SHD: variants seen among roughly 807,000 people sequenced by gnomAD.
SHD encodes SH2 domain-containing adapter protein D.
SHD carries 29 observed loss-of-function variants against 31.2 expected under a neutral mutation model. That is an observed-to-expected ratio of 0.93 (90% confidence interval 0.69 to 1.27). The LOEUF is 1.27. Ranked by LOEUF, SHD falls within the 50% of genes most tolerant of loss-of-function variation. The pLI, the probability that SHD is intolerant of heterozygous loss-of-function variation, is 0.00. For synonymous variants in SHD, 208 were observed against 187.8 expected (o/e 1.11, Z -0.88); for missense variants, 520 against 453.8 (o/e 1.15, Z -1.33).
chr19:4,283,859 G>T (rs184844715), intron 3 of SHD, among the ~76,000 whole-genome samples: 13,487 of 151,350 alleles, frequency 0.089, 1,403 homozygotes, highest in African/African-American at 0.24. Context: ...ATTACAGGCA[G>T]GAGCCACCGC....
At position 4,284,820 on chromosome 19, in the gene SHD, C is replaced by G. The variant is rs1289297084; in HGVS notation, c.632C>G (p.Ser211Ter). Residue 211 changes from serine (S) to a stop codon, truncating the protein, a stop_gained, in exon 4 of 6, where the codon TCA becomes TGA. Coordinates refer to ENST00000543264, the MANE Select transcript of SHD (RefSeq NM_020209.4). LOFTEE classifies it high-confidence loss of function. The part of the protein sequence containing the change: ...DSPEWERTPG[S>*]AKELRRPPPR... ...CCAGAGTGGGAGAGGACTCCAGGCT[C>G]AGCCAAGGAGCTCCGGAGACCTCCG... 2.2e-5 allele frequency: 35 copies of G among 1,613,018 alleles called. No individual in the cohort carries two copies. Among genetic ancestry groups the G allele is most frequent in the Non-Finnish European group, 3.0e-5 (35 of 1,179,514 alleles).
Position 4,280,113 on chromosome 19 carries a change from C to T in SHD, c.50C>T (p.Pro17Leu), listed in dbSNP as rs1321023348. The T allele has an allele frequency of 6.2e-7, 1 of 1,611,884 alleles. No individual in the cohort carries two copies. Among genetic ancestry groups the T allele is most frequent in the South Asian group, 1.1e-5 (1 of 90,892 alleles). ...CTGAGCTTTGGGGGTCGGAGGCCCC[C>T]TCCGCAGCCGCCCACCCCGGACTAC... ...DYLSFGGRRP[P>L]PQPPTPDYTE... Residue 17 changes from proline (P) to leucine (L), a missense_variant, in exon 1 of 6, where the codon CCT (proline) becomes CTT (leucine). Physicochemically the swap from Pro to Leu is moderately conservative, Grantham distance 98. Coordinates refer to ENST00000543264, the MANE Select transcript of SHD (RefSeq NM_020209.4).
chr19:4,281,242 C>T (rs146177609), intron 1 of SHD, among the ~76,000 whole-genome samples: 4,155 of 150,808 alleles, frequency 0.028, 73 homozygotes, highest in Non-Finnish European at 0.044. Flanking sequence ...CCCAGGAGTT[C>T]GAGACCAGCC....
chr19:4,290,135 C>G (rs1444732028), intron 5 of SHD, among the ~76,000 whole-genome samples: 2 of 151,996 alleles, frequency 1.3e-5, no homozygotes, highest in African/African-American at 2.4e-5. Context: ...CTCGGCCTCC[C>G]AAAGTGCTGG....
intron 4 of SHD, among the ~76,000 whole-genome samples, chr19:4,287,924 A>G (rs1465458336): frequency 6.6e-6 from 1 of 151,712 alleles, no homozygotes; most frequent in African/African-American, 2.4e-5. Flanking sequence ...GTTTGTTTTG[A>G]GACAGAGTCT....
rs762849843 is a variant in SHD at position 4,284,781 on chromosome 19, T to G, written c.593T>G (p.Val198Gly). 1.2e-5 allele frequency: 19 copies of G among 1,598,240 alleles called. No individual in the cohort carries two copies. Among genetic ancestry groups the G allele is most frequent in the Admixed American group, 1.7e-5 (1 of 58,976 alleles). The change falls in exon 4 of 6, where the codon GTG becomes GGG. Residue 198 changes from valine to glycine, a missense_variant and splice_region_variant. Coordinates refer to ENST00000543264, the MANE Select transcript of SHD (RefSeq NM_020209.4). ...KKDHISRAFA[V>G]QFDSPEWERT... ...TTTCCTCTCTAAATCTCCTTTCCAG[T>G]GCAGTTTGACAGTCCAGAGTGGGAG...
In SHD at chr19:4,280,310, G is replaced by T. The variant is rs750115227; in HGVS notation, c.247G>T (p.Ala83Ser). ...SPKHRLIKVEAADMARAKALL... is the reference protein window; with the variant it reads ...SPKHRLIKVESADMARAKALL... ...CAAGCACCGGCTCATCAAGGTGGAG[G>T]CTGCGGATATGGCCAGAGCCAAGGC... The change falls in exon 1 of 6, where the codon GCT (alanine) becomes TCT (serine). Residue 83 changes from alanine to serine, a missense_variant. Ala to Ser is a moderately conservative substitution (Grantham distance 99, BLOSUM62 1). Coordinates refer to ENST00000543264, the MANE Select transcript of SHD (RefSeq NM_020209.4). 2.3e-5 allele frequency: 37 copies of T among 1,605,280 alleles called. No homozygotes were observed. Among genetic ancestry groups the T allele is most frequent in the Non-Finnish European group, 3.1e-5 (36 of 1,176,164 alleles).
At chr19:4,289,040 G>A (rs1445558387) in intron 5 of SHD, among the ~76,000 whole-genome samples, 2 of 151,664 alleles carry the variant, frequency 1.3e-5, no homozygotes, top group African/African-American at 4.8e-5. Flanking sequence ...GGAGGCTGAG[G>A]CAGGAGAATT....
In SHD at chr19:4,279,964, C is replaced by T. The variant is rs1971239028; in HGVS notation, c.-100C>T. ...CTTTCTCATCCTTCCCTGCTCTTCC[C>T]TTCCTCTCCACCTCCTCCTCCTCCT... On this transcript the variant is annotated 5_prime_UTR_variant, in exon 1 of 6. Coordinates refer to ENST00000543264, the MANE Select transcript of SHD (RefSeq NM_020209.4). The surrounding 1 kb of genome is among the most constrained non-coding windows in gnomAD (Gnocchi z 7.5). 2 of 1,381,126 alleles carry T rather than the reference C, an allele frequency of 1.4e-6. No individual in the cohort carries two copies. The highest frequency in any genetic ancestry group is 2.5e-5 in the East Asian group (1 of 40,082). 85.6% of individuals were successfully genotyped at this position (1,381,126 alleles called of 1,614,324 possible).
At chr19:4,288,422 G>A (rs961266746) in intron 5 of SHD, 60 bp downstream of exon 5, 1 of 1,469,886 alleles carries the variant, frequency 6.8e-7, no homozygotes, top group Admixed American at 2.0e-5. Context: ...ACCCTTTTGG[G>A]TTAATTCAGA....
rs750800381 is a variant in SHD, at chr19:4,288,279, G to C, written c.753G>C (p.Glu251Asp). Reference sequence around the variant, plus strand: ...GCCCCCTGAACAGGGCGGATGCAGAGAGCCTCCTGTCCCTCTGCAAGGAAG... The same window carrying C: ...GCCCCCTGAACAGGGCGGATGCAGACAGCCTCCTGTCCCTCTGCAAGGAAG... The part of the protein sequence containing the change: ...FHGPLNRADA[E>D]SLLSLCKEGS... Residue 251 changes from glutamate (E) to aspartate (D), a missense_variant, in exon 5 of 6, where the codon GAG (glutamate) becomes GAC (aspartate). By Grantham distance (45) the Glu-to-Asp change is conservative. Coordinates refer to ENST00000543264, the MANE Select transcript of SHD (RefSeq NM_020209.4). The C allele has an allele frequency of 3.7e-6, 6 of 1,613,824 alleles. No individual in the cohort carries two copies. The highest frequency in any genetic ancestry group is 5.1e-6 in the Non-Finnish European group (6 of 1,179,922).
At chr19:4,284,600 A>C (rs2287713) in intron 3 of SHD, 181 bp from the exon 4 acceptor site, 18,144 of 580,642 alleles carry the variant, frequency 0.031, 1,005 homozygotes, top group East Asian at 0.2. Flanking sequence ...CCTATTTCTT[A>C]GGAAGGCCAA....
At chr19:4,284,128 A>AC (rs1599512890) in intron 3 of SHD, among the ~76,000 whole-genome samples, 1 of 151,334 alleles carries the variant, frequency 6.6e-6, no homozygotes, top group Non-Finnish European at 1.5e-5. Context: ...ACATGGAGAA[A>AC]CCCCGTCTTA....
intron 4 of SHD, among the ~76,000 whole-genome samples, chr19:4,286,642 G>GT (rs1971321690): frequency 1.3e-5 from 2 of 152,278 alleles, no homozygotes; most frequent in South Asian, 4.2e-4. Context: ...GCTCACGCCT[G>GT]TTATCCCAGC....
chr19:4,286,296 C>T (rs1380423011), intron 4 of SHD, among the ~76,000 whole-genome samples: 7 of 129,830 alleles, frequency 5.4e-5, no homozygotes, highest in African/African-American at 1.5e-4. Context: ...TCTTTCCTTC[C>T]TTCCTTCCTT....
At chr19:4,287,368 ACAG>A (rs1437412777) in intron 4 of SHD, among the ~76,000 whole-genome samples, 3 of 151,814 alleles carry the variant, frequency 2.0e-5, no homozygotes, top group Non-Finnish European at 2.9e-5. Flanking sequence ...ACAGAAAGGG[ACAG>A]GTGGGTGAGG....
intron 5 of SHD, among the ~76,000 whole-genome samples, chr19:4,288,998 T>C (rs1157552352): frequency 6.6e-6 from 1 of 151,722 alleles, no homozygotes; most frequent in Non-Finnish European, 1.5e-5. Context: ...TAGTTGGGCA[T>C]AGTGGTGCAT....
At position 4,288,225 on chromosome 19, in the gene SHD, T is replaced by A. The variant is rs771945795; in HGVS notation, c.717-18T>A. On this transcript the variant is annotated intron_variant, in intron 4 of 5. Transcript: ENST00000543264. ...GAAGGGAATGGCCCTTGATGAGACA[T>A]CTGTCCATACTCGCTAGGTGGTTTC... The A allele has an allele frequency of 1.9e-6, 3 of 1,611,062 alleles. No homozygotes were observed. In the Admixed American group the frequency reaches 5.0e-5, roughly 27 times the overall value.
chr19:4,289,537 C>T (rs1971354829), intron 5 of SHD, among the ~76,000 whole-genome samples: 1 of 151,424 alleles, frequency 6.6e-6, no homozygotes, highest in Non-Finnish European at 1.5e-5. Flanking sequence ...TGGGTCACTG[C>T]ACCTGGCCTC....
Sources: gnomAD v4.1 joint callset for allele counts (sites outside exome capture counted in the v4.1 genomes callset) on GRCh38, gnomAD v4.1.1 for gene constraint, Gnocchi (gnomAD v3.1) non-coding constraint, MANE v1.5 for transcripts, NCBI Gene and HGNC (gene_info 2026-07-23, HGNC 2026-07-21) for gene names.